Variants in SMURF1 observed in about 807,000 individuals in gnomAD.
SMURF1 encodes the protein SMAD specific E3 ubiquitin protein ligase 1.
In SMURF1, 44 loss-of-function variants were observed where a neutral mutation model predicts 98.0. The ratio of observed to expected loss-of-function variants is 0.45; its 90% CI spans 0.35 to 0.58. The LOEUF (loss-of-function observed/expected upper bound fraction) is 0.58. Among genes scored for constraint, SMURF1 ranks in the 20% least tolerant of loss-of-function variants. SMURF1 has a pLI of 0.00. For missense variants in SMURF1, 687 were observed against 938.4 expected, an observed-to-expected ratio of 0.73 and a Z score of 3.50; for synonymous variants, 396 against 374.9, an observed-to-expected ratio of 1.06 and a Z score of -0.65.
Position 99,032,598 on chromosome 7 carries a change from G to GGCAGAGGTT in SMURF1, c.2096+430_2096+438dup, listed in dbSNP as rs1794947436. 8.5e-5 allele frequency among the ~76,000 whole-genome samples: 13 copies of GGCAGAGGTT among 152,330 alleles called. No homozygotes were observed. The South Asian group carries it at 2.5e-3, about 29-fold the overall frequency. On this transcript the variant is annotated intron_variant, in intron 17 of 17. Coordinates refer to ENST00000361368, the MANE Select transcript of SMURF1 (RefSeq NM_181349.3). ...GCATGAGAATTGCTTGAACCCAGGA[G>GGCAGAGGTT]GCAGAGGTTGCAGTGAGCCGAGATC... is the stretch of plus-strand genomic sequence containing the variant.
At chr7:99,132,588 G>A (rs1455967809) in intron 1 of SMURF1, among the ~76,000 whole-genome samples, 2 of 152,156 alleles carry the variant, frequency 1.3e-5, no homozygotes, top group African/African-American at 2.4e-5. Context: ...GGGATGGTCA[G>A]GGAGGGTATC....
At chr7:99,073,350 G>A (rs950562988) in intron 1 of SMURF1, among the ~76,000 whole-genome samples, 8 of 150,242 alleles carry the variant, frequency 5.3e-5, no homozygotes, top group Admixed American at 3.3e-4. Flanking sequence ...CTGCACTCCA[G>A]CCTGGGCAAC....
chr7:99,031,414 A>G (rs571772664), intron 17 of SMURF1: 1 of 152,214 alleles, frequency 6.6e-6, no homozygotes, highest in Non-Finnish European at 1.5e-5. Context: ...AGCAAACCAA[A>G]AAATACAAAA....
rs967505436 is a variant in SMURF1, at chr7:99,054,825, C to T, written c.444G>A (p.Ser148=). The T allele has an allele frequency of 4.3e-6, 7 of 1,614,078 alleles. No homozygotes were observed. The highest frequency in any genetic ancestry group is 1.6e-4 in the Middle Eastern group (1 of 6,062). The part of the protein sequence containing the change: ...QTRDRIGTGG[S]VVDCRGLLEN... ...CTAACAGTCCTCTGCAGTCCACCAC[C>T]GAGCCGCCGGTTCCTATTCTGTCTC... is the stretch of plus-strand genomic sequence containing the variant. The change falls in exon 6 of 18, where the codon TCG becomes TCA. Residue 148 remains serine (S), a synonymous_variant. Coordinates refer to ENST00000361368, the MANE Select transcript of SMURF1 (RefSeq NM_181349.3).
chr7:99,045,180 AAGC>A (rs1332257077), intron 11 of SMURF1, among the ~76,000 whole-genome samples: 2 of 152,246 alleles, frequency 1.3e-5, no homozygotes, highest in Non-Finnish European at 2.9e-5. Context: ...AGCTGAAAAG[AAGC>A]AGGACATGAA....
rs558624219 is a variant in SMURF1 at position 99,073,920 on chromosome 7, T to C, written c.56-12083A>G. ...TTCTTTTATTGATTGTACTGTTTGA[T>C]TGTACTCAGTTTTGGAACTGAGAAC... On this transcript the variant is annotated intron_variant, in intron 1 of 17. Coordinates refer to ENST00000361368, the MANE Select transcript of SMURF1 (RefSeq NM_181349.3). Among the ~76,000 whole-genome samples the C allele has an allele frequency of 2.7e-4, 41 of 152,336 alleles. No individual in the cohort carries two copies. In the Middle Eastern group the frequency reaches 0.01, roughly 38 times the overall value.
At chr7:99,063,778 C>CTTT (rs34393273) in intron 1 of SMURF1, among the ~76,000 whole-genome samples, 14 of 143,014 alleles carry the variant, frequency 9.8e-5, no homozygotes, top group Admixed American at 7.0e-5. Context: ...TATCAATATA[C>CTTT]TTTTTTTTTT....
At chr7:99,130,449 G>A (rs187462296) in intron 1 of SMURF1, among the ~76,000 whole-genome samples, 8 of 152,192 alleles carry the variant, frequency 5.3e-5, no homozygotes, top group South Asian at 4.1e-4. Context: ...GTGAAACTCC[G>A]TCTCCAAAAA....
chr7:99,101,083 A>G (rs1323220879), intron 1 of SMURF1, among the ~76,000 whole-genome samples: 1 of 152,240 alleles, frequency 6.6e-6, no homozygotes. Flanking sequence ...GAGGCTACCA[A>G]TGAACTTGGT....
intron 7 of SMURF1, 112 bp from the exon 8 acceptor site, chr7:99,051,553 C>A: frequency 2.5e-6 from 2 of 810,400 alleles, no homozygotes; most frequent in East Asian, 2.5e-5. Context: ...TAACACTCCC[C>A]TCTTATCCCA....
chr7:99,099,576 T>C (rs1239316494), intron 1 of SMURF1, among the ~76,000 whole-genome samples: 1 of 152,060 alleles, frequency 6.6e-6, no homozygotes, highest in African/African-American at 2.4e-5. Context: ...CCAAAACTCA[T>C]GTTAAAATTT....
chr7:99,124,596 A>C (rs553552409), intron 1 of SMURF1, among the ~76,000 whole-genome samples: 1 of 152,282 alleles, frequency 6.6e-6, no homozygotes, highest in South Asian at 2.1e-4. Context: ...CTTTGCCCAC[A>C]AAAAGGTTTT....
At chr7:99,070,237 G>A (rs1796286595) in intron 1 of SMURF1, among the ~76,000 whole-genome samples, 2 of 152,150 alleles carry the variant, frequency 1.3e-5, no homozygotes, top group African/African-American at 4.8e-5. Flanking sequence ...AGGACGAGGT[G>A]GGGATGTGCC....
chr7:99,060,770 A>C, intron 2 of SMURF1, 63 bp from the exon 3 acceptor site: 1 of 1,072,852 alleles, frequency 9.3e-7, no homozygotes, highest in Non-Finnish European at 1.4e-6. Flanking sequence ...GACACAGAAC[A>C]CACAATTCGT....
chr7:99,129,501 C>G (rs1169762545), intron 1 of SMURF1, among the ~76,000 whole-genome samples: 3 of 152,158 alleles, frequency 2.0e-5, no homozygotes, highest in Non-Finnish European at 4.4e-5. Flanking sequence ...AAACAATTCT[C>G]CCACCTCAGC....
At chr7:99,127,569 C>A (rs1377198393) in intron 1 of SMURF1, among the ~76,000 whole-genome samples, 2 of 152,118 alleles carry the variant, frequency 1.3e-5, no homozygotes, top group African/African-American at 2.4e-5. Flanking sequence ...ACAGCTCTTT[C>A]TCTGGAGGCA....
At position 99,054,791 on chromosome 7, in the gene SMURF1, C is replaced by T. The variant is rs913425842; in HGVS notation, c.478G>A (p.Gly160Arg). 1 of 1,613,962 alleles carries T rather than the reference C, an allele frequency of 6.2e-7. No homozygotes were observed. The highest frequency in any genetic ancestry group is 8.5e-7 in the Non-Finnish European group (1 of 1,179,942). Residue 160 changes from glycine (G) to arginine (R), a missense_variant and splice_region_variant, in exon 6 of 18, where the codon GGA (glycine) becomes AGA (arginine). Around this residue, in one of 2 missense-constraint regions of SMURF1, gnomAD observed 415 missense variants for 508.4 expected, o/e 0.82. Transcript: ENST00000361368. ...GCCTCTTGCTGTGGTTATACGTACC[C>T]TTCATTTTCTAACAGTCCTCTGCAG... ...VDCRGLLENE[G>R]TVYEDSGPGR...
chr7:99,038,483 C>T lies in SMURF1; in HGVS notation c.1593G>A (p.Val531=), dbSNP rs1417423456. ...ITPVLDHTFC[V]EHNAFGRILQ... ...GGATCCGCCCGAAGGCGTTGTGTTC[C>T]ACGCAGAAGGTGTGGTCCAGTACAG... The change falls in exon 14 of 18, where the codon GTG becomes GTA. Residue 531 remains valine (V), a synonymous_variant. Coordinates refer to ENST00000361368, the MANE Select transcript of SMURF1 (RefSeq NM_181349.3). 1.2e-6 allele frequency: 2 copies of T among 1,614,252 alleles called. No homozygotes were observed. The highest frequency in any genetic ancestry group is 4.5e-5 in the East Asian group (2 of 44,880).
intron 9 of SMURF1, 45 bp downstream of exon 9, chr7:99,049,518 A>T: frequency 6.3e-7 from 1 of 1,586,912 alleles, no homozygotes; most frequent in Non-Finnish European, 8.6e-7. Context: ...AAAGCATTCG[A>T]TTACCAATGA....
Sources: allele counts gnomAD v4.1 joint callset (sites outside exome capture counted in the v4.1 genomes callset), GRCh38; gene constraint gnomAD v4.1.1; regional missense constraint gnomAD v4.1.1; transcripts MANE v1.5; gene names NCBI Gene and HGNC (gene_info 2026-07-23, HGNC 2026-07-21).